POPDC2: variants seen among roughly 807,000 people sequenced by gnomAD.
POPDC2 encodes the protein popeye domain-containing protein 2.
In POPDC2, 24 loss-of-function variants were observed where a neutral mutation model predicts 30.5. The observed-to-expected ratio is 0.79, with a 90% CI of 0.57 to 1.11. The LOEUF (loss-of-function observed/expected upper bound fraction) is 1.11. Among genes scored for constraint, POPDC2 ranks in the 50% least tolerant of loss-of-function variants. The probability of loss-of-function intolerance (pLI) is 0.00; values close to 1 mark genes in which losing one functional copy is unlikely to be tolerated. For missense variants in POPDC2, 409 were observed against 447.0 expected (o/e 0.91, Z 0.77); for synonymous variants, 185 against 183.3 (o/e 1.01, Z -0.07).
chr3:119,656,099 G>A (rs1264626718), intron 1 of POPDC2, among the ~76,000 whole-genome samples: 2 of 152,062 alleles, frequency 1.3e-5, no homozygotes, highest in Admixed American at 1.3e-4. Context: ...CTCCCTGAAG[G>A]AACTAAAAAA....
chr3:119,657,304 T>C (rs2052890707), intron 1 of POPDC2, among the ~76,000 whole-genome samples: 1 of 152,172 alleles, frequency 6.6e-6, no homozygotes. Context: ...TCCTGGCCAA[T>C]GGGATATCAG....
At chr3:119,651,310 T>C (rs1247860656) in intron 2 of POPDC2, among the ~76,000 whole-genome samples, 2 of 151,784 alleles carry the variant, frequency 1.3e-5, no homozygotes, top group African/African-American at 4.8e-5. Flanking sequence ...AACAAGGATT[T>C]CCATGACCAC....
Position 119,654,522 on chromosome 3 carries a change from C to T in POPDC2, c.583G>A (p.Glu195Lys), listed in dbSNP as rs2052857008. ...SPEWESLQPS[E>K]EGVFQVTLTA... ...CCTGTTACCTGGAACACCCCCTCCT[C>T]AGAAGGCTGTAGTGATTCCCACTCA... The change falls in exon 2 of 4, where the codon GAG (glutamate) becomes AAG (lysine). Residue 195 changes from glutamate (E) to lysine (K), a missense_variant. Transcript: ENST00000493094. 1.2e-6 allele frequency: 2 copies of T among 1,612,924 alleles called. No homozygotes were observed. Among genetic ancestry groups the T allele is most frequent in the African/African-American group, 1.3e-5 (1 of 74,886 alleles).
At chr3:119,643,159 G>A (rs2052709641) in intron 3 of POPDC2, among the ~76,000 whole-genome samples, 1 of 152,236 alleles carries the variant, frequency 6.6e-6, no homozygotes, top group South Asian at 2.1e-4. Flanking sequence ...ACTCTTTCCA[G>A]TAGTTCTGTG....
Position 119,653,668 on chromosome 3 carries a change from G to A in POPDC2, c.600+837C>T, listed in dbSNP as rs574117820. ...AATTTTTTGTATTTTTAGTAGAGAC[G>A]GGATTTCATCGTGTTAGCCAGGATG... is the stretch of plus-strand genomic sequence containing the variant. On this transcript the variant is annotated intron_variant, in intron 2 of 3. Coordinates refer to ENST00000493094, the MANE Select transcript of POPDC2 (RefSeq NM_001369919.2). Among the ~76,000 whole-genome samples, 89 of 152,106 alleles carry A rather than the reference G, an allele frequency of 5.9e-4. 2 individuals are homozygous for A. In the South Asian group the frequency reaches 0.018, roughly 30 times the overall value.
At chr3:119,651,031 GA>G (rs909040925) in intron 2 of POPDC2, among the ~76,000 whole-genome samples, 1 of 152,128 alleles carries the variant, frequency 6.6e-6, no homozygotes, top group African/African-American at 2.4e-5. Context: ...CAACCCTTTA[GA>G]AAATCCTTTT....
chr3:119,659,620 T>C (rs1467918613), intron 1 of POPDC2, among the ~76,000 whole-genome samples: 3 of 152,118 alleles, frequency 2.0e-5, no homozygotes, highest in African/African-American at 7.2e-5. Flanking sequence ...ATGTGTGTGG[T>C]GATGGTAGAG....
intron 3 of POPDC2, chr3:119,643,227 G>A: frequency 1.6e-6 from 1 of 622,076 alleles, no homozygotes; most frequent in East Asian, 2.8e-5. Flanking sequence ...CTGCTTCTGA[G>A]GGGAAGAGCA....
upstream of POPDC2, chr3:119,660,836 G>A (rs1355510295): frequency 6.1e-6 from 1 of 163,862 alleles, no homozygotes; most frequent in African/African-American, 2.4e-5. Context: ...GTCCAGCAGC[G>A]TGGGATGATG....
intron 1 of POPDC2, among the ~76,000 whole-genome samples, chr3:119,654,967 T>C (rs1407913515): frequency 6.6e-6 from 1 of 152,162 alleles, no homozygotes; most frequent in East Asian, 1.9e-4. Context: ...AGGAACTGGA[T>C]ATTATTAGTA....
At chr3:119,654,223 C>T (rs1410057091) in intron 2 of POPDC2, among the ~76,000 whole-genome samples, 1 of 152,158 alleles carries the variant, frequency 6.6e-6, no homozygotes, top group East Asian at 1.9e-4. Flanking sequence ...GTTTAAGTTA[C>T]CCTATAACAA....
At chr3:119,660,675 A>ACCTCCCCC, upstream of POPDC2, 1 of 20,226 alleles carries the variant, frequency 4.9e-5, no homozygotes, top group South Asian at 7.2e-4. Flanking sequence ...TCTCCTCCCC[A>ACCTCCCCC]CCACCCCCGC....
intron 1 of POPDC2, among the ~76,000 whole-genome samples, chr3:119,659,581 T>G (rs553506678): frequency 1.4e-4 from 21 of 152,228 alleles, no homozygotes; most frequent in Non-Finnish European, 2.6e-4. Flanking sequence ...TACAGAGATA[T>G]TGCTGCAGCT....
At chr3:119,643,133 A>G (rs943928231) in intron 3 of POPDC2, among the ~76,000 whole-genome samples, 2 of 152,188 alleles carry the variant, frequency 1.3e-5, no homozygotes, top group African/African-American at 4.8e-5. Flanking sequence ...TTCAAGAGCA[A>G]GTTTTCCGAG....
chr3:119,660,369 T>A lies in POPDC2; in HGVS notation c.55A>T (p.Ile19Phe), dbSNP rs757765015. Residue 19 changes from isoleucine (I) to phenylalanine (F), a missense_variant, in exon 1 of 4, where the codon ATT becomes TTT. Physicochemically the swap from Ile to Phe is conservative, Grantham distance 21 (BLOSUM62 0). Transcript: ENST00000493094. ...GQLLLQGSAC[I>F]RWKQDVEGAV... ...CCTTCCACATCCTGCTTCCACCTAA[T>A]GCACGCTGAACCCTGCAAGAGAAGC... 1 of 1,614,070 alleles carries A rather than the reference T, an allele frequency of 6.2e-7. No individual in the cohort carries two copies. Among genetic ancestry groups the A allele is most frequent in the African/African-American group, 1.3e-5 (1 of 74,920 alleles).
In POPDC2 at chr3:119,648,582, G is replaced by A; in HGVS notation, c.687C>T (p.Ile229=). The A allele has an allele frequency of 6.2e-7, 1 of 1,614,180 alleles. No homozygotes were observed. The highest frequency in any genetic ancestry group is 1.1e-5 in the South Asian group (1 of 91,084). The change falls in exon 3 of 4, where the codon ATC becomes ATT. Residue 229 remains isoleucine, a synonymous_variant. Transcript: ENST00000493094. ...LHLLLTKERY[I]SCLFSALLGY... Reference sequence around the variant, plus strand: ...CCAGCAGAGCCGAGAAGAGGCAGGAGATGTATCGCTCTTTGGTCAGAAGAA... The same window carrying A: ...CCAGCAGAGCCGAGAAGAGGCAGGAAATGTATCGCTCTTTGGTCAGAAGAA...
At chr3:119,643,910 G>A (rs1411706013) in intron 3 of POPDC2, among the ~76,000 whole-genome samples, 1 of 151,794 alleles carries the variant, frequency 6.6e-6, no homozygotes, top group Non-Finnish European at 1.5e-5. Context: ...TTCAATTTCT[G>A]CCCACAAGAA....
rs369591762 is a variant in POPDC2, at chr3:119,654,633, G to A, written c.492-20C>T. The A allele has an allele frequency of 2.5e-6, 4 of 1,594,548 alleles. No homozygotes were observed. The African/African-American group carries it at 5.4e-5, about 21-fold the overall frequency. The stretch of plus-strand genomic sequence containing the variant: ...CGAACCCTGGCAAGGGAAGAGAAGA[G>A]ATCATGTGGGAAAAGGAAAATGGCT... On this transcript the variant is annotated intron_variant, in intron 1 of 3. Coordinates refer to ENST00000493094, the MANE Select transcript of POPDC2 (RefSeq NM_001369919.2).
At position 119,660,112 on chromosome 3, in the gene POPDC2, G is replaced by A. The variant is rs754130517; in HGVS notation, c.312C>T (p.Leu104=). ...HLVYRLREDT[L]PEEFDLLYKT... is the part of the protein sequence containing the mutation. ...TGTAGAGGAGGTCAAACTCCTCAGG[G>A]AGGGTGTCCTCACGCAGGCGGTATA... Residue 104 remains leucine, a synonymous_variant, in exon 1 of 4, where the codon CTC becomes CTT. Coordinates refer to ENST00000493094, the MANE Select transcript of POPDC2 (RefSeq NM_001369919.2). The A allele has an allele frequency of 3.1e-6, 5 of 1,614,096 alleles. No homozygotes were observed. The highest frequency in any genetic ancestry group is 2.2e-5 in the South Asian group (2 of 91,086).
Sources: allele counts gnomAD v4.1 joint callset (sites outside exome capture counted in the v4.1 genomes callset), GRCh38; gene constraint gnomAD v4.1.1; transcripts MANE v1.5; gene names NCBI Gene and HGNC (gene_info 2026-07-23, HGNC 2026-07-21).